The following MAD1L1 variants were observed in gnomAD, a reference collection of about 807,000 sequenced individuals.
MAD1L1 encodes mitotic arrest deficient 1 like 1, also known as mitotic spindle assembly checkpoint protein MAD1.
MAD1L1 carries 95 observed loss-of-function variants against 96.9 expected under a neutral mutation model. The ratio of observed to expected loss-of-function variants is 0.98; its 90% CI spans 0.83 to 1.16. The LOEUF (loss-of-function observed/expected upper bound fraction) is 1.16, where lower values mean the gene tolerates loss of function less well. MAD1L1 is among the 50% of genes most tolerant of loss of function. The pLI, the probability that MAD1L1 is intolerant of heterozygous loss-of-function variation, is 0.00. For missense variants in MAD1L1, 1,007 were observed against 954.4 expected, an observed-to-expected ratio of 1.06 and a Z score of -0.73; for synonymous variants, 473 against 396.6, an observed-to-expected ratio of 1.19 and a Z score of -2.29.
At chr7:1,835,662 C>G (rs1472716841) in intron 18 of MAD1L1, among the ~76,000 whole-genome samples, 1 of 152,026 alleles carries the variant, frequency 6.6e-6, no homozygotes, top group East Asian at 1.9e-4. Context: ...TTGGATCTCA[C>G]ACAAGAAAGA....
intron 15 of MAD1L1, among the ~76,000 whole-genome samples, chr7:1,964,721 G>A (rs1438068167): frequency 6.6e-5 from 10 of 152,212 alleles, no homozygotes; most frequent in Non-Finnish European, 8.8e-5. Flanking sequence ...GCCTGTCTCC[G>A]AGCGTGTGCG....
At chr7:1,970,195 G>A (rs1370601967) in intron 15 of MAD1L1, among the ~76,000 whole-genome samples, 1 of 152,162 alleles carries the variant, frequency 6.6e-6, no homozygotes, top group Non-Finnish European at 1.5e-5. Context: ...GTGTGGCTGG[G>A]TGAATGGAAA....
At chr7:2,164,457 T>G (rs1316309258) in intron 10 of MAD1L1, among the ~76,000 whole-genome samples, 1 of 152,056 alleles carries the variant, frequency 6.6e-6, no homozygotes, top group African/African-American at 2.4e-5. Flanking sequence ...CCTGTGACGG[T>G]TGCTGGTGCC....
chr7:1,883,784 T>A (rs977056847), intron 18 of MAD1L1, among the ~76,000 whole-genome samples: 1 of 152,200 alleles, frequency 6.6e-6, no homozygotes, highest in Admixed American at 6.5e-5. Context: ...AGGCACCATG[T>A]GTCTCTATTA....
At chr7:1,940,248 CGGCAGCCCTG>C (rs1778886257) in intron 16 of MAD1L1, 1 of 152,252 alleles carries the variant, frequency 6.6e-6, no homozygotes, top group African/African-American at 2.4e-5. Flanking sequence ...GAGAGGGAGG[CGGCAGCCCTG>C]CCGCTGGGCC....
intron 17 of MAD1L1, among the ~76,000 whole-genome samples, chr7:1,902,322 T>C (rs1208492193): frequency 2.0e-5 from 3 of 152,178 alleles, no homozygotes; most frequent in Non-Finnish European, 4.4e-5. Flanking sequence ...TTACAGCACT[T>C]ATCTCAAGAG....
chr7:1,885,470 G>GGGGCT (rs1288999510), intron 18 of MAD1L1, among the ~76,000 whole-genome samples: 2 of 132,520 alleles, frequency 1.5e-5, no homozygotes, highest in African/African-American at 6.5e-5. Context: ...AGAAGTCCAG[G>GGGGCT]GGGCTGGGCT....
At chr7:1,960,988 G>C (rs1307415326) in intron 15 of MAD1L1, among the ~76,000 whole-genome samples, 1 of 152,178 alleles carries the variant, frequency 6.6e-6, no homozygotes. Context: ...AAAGTCATCT[G>C]GAAAATACTA....
intron 11 of MAD1L1, among the ~76,000 whole-genome samples, chr7:2,139,594 G>A (rs1248969632): frequency 2.0e-5 from 3 of 151,598 alleles, no homozygotes; most frequent in African/African-American, 7.3e-5. Context: ...AGACTGCTGA[G>A]AACTCCACAG....
chr7:2,157,875 G>A (rs1562738918), intron 10 of MAD1L1, among the ~76,000 whole-genome samples: 1 of 152,134 alleles, frequency 6.6e-6, no homozygotes, highest in Non-Finnish European at 1.5e-5. Flanking sequence ...GGTGCTCTGG[G>A]GATTAGCTAA....
chr7:1,830,464 C>G (rs1275270951), intron 18 of MAD1L1, among the ~76,000 whole-genome samples: 1 of 152,202 alleles, frequency 6.6e-6, no homozygotes, highest in Non-Finnish European at 1.5e-5. Context: ...AGCTCTACTC[C>G]TTCCATGAAT....
intron 12 of MAD1L1, among the ~76,000 whole-genome samples, chr7:2,027,044 G>C (rs1783024531): frequency 6.6e-6 from 1 of 150,390 alleles, no homozygotes. Context: ...GACATAACTA[G>C]AGATCACAAA....
At chr7:2,137,573 G>A (rs1788815579) in intron 11 of MAD1L1, among the ~76,000 whole-genome samples, 1 of 152,110 alleles carries the variant, frequency 6.6e-6, no homozygotes, top group Non-Finnish European at 1.5e-5. Flanking sequence ...AGGGGCCCAG[G>A]CTGTCTCCTC....
At position 1,843,253 on chromosome 7, in the gene MAD1L1, C is replaced by T. The variant is rs114239208; in HGVS notation, c.1999-27025G>A. 7.3e-3 allele frequency among the ~76,000 whole-genome samples: 1,106 copies of T among 152,346 alleles called. 11 individuals carry two copies. Among genetic ancestry groups the T allele is most frequent in the African/African-American group, 0.025 (1,039 of 41,584 alleles). On this transcript the variant is annotated intron_variant, in intron 18 of 18. Transcript: ENST00000265854. ...TGCTCTTTCTGGCGTCTTTCTCTGTCTTCCTGGGCCTTACAGGTTCTTCGG... is the reference window on the plus strand; with the variant it reads ...TGCTCTTTCTGGCGTCTTTCTCTGTTTTCCTGGGCCTTACAGGTTCTTCGG...
intron 15 of MAD1L1, among the ~76,000 whole-genome samples, chr7:1,977,242 GGTCCCAAGCGCTGC>G: frequency 6.6e-6 from 1 of 152,254 alleles, no homozygotes; most frequent in Non-Finnish European, 1.5e-5. Context: ...GCGGGCTGCA[GGTCCCAAGCGCTGC>G]CCCACGGGGA....
chr7:1,945,763 G>C (rs1206838236), intron 16 of MAD1L1, among the ~76,000 whole-genome samples: 1 of 152,242 alleles, frequency 6.6e-6, no homozygotes, highest in Non-Finnish European at 1.5e-5. Context: ...CTGGGCCGCA[G>C]ACCGGGGTTA....
At chr7:1,867,917 G>A (rs945088879) in intron 18 of MAD1L1, among the ~76,000 whole-genome samples, 4 of 152,250 alleles carry the variant, frequency 2.6e-5, no homozygotes, top group African/African-American at 7.2e-5. Context: ...AATTAGAGCA[G>A]TGTCTGTGCT....
chr7:2,072,816 G>A (rs1209271307), intron 11 of MAD1L1, among the ~76,000 whole-genome samples: 1 of 152,212 alleles, frequency 6.6e-6, no homozygotes, highest in Non-Finnish European at 1.5e-5. Flanking sequence ...AGGATGGCTG[G>A]GCAGCCTTGA....
chr7:1,988,184 G>C (rs1341524370), intron 14 of MAD1L1, among the ~76,000 whole-genome samples: 1 of 152,220 alleles, frequency 6.6e-6, no homozygotes, highest in Non-Finnish European at 1.5e-5. Flanking sequence ...TGGGGACAAG[G>C]AGAGGGCCCT....
Sources: gnomAD v4.1 joint callset for allele counts (sites outside exome capture counted in the v4.1 genomes callset) on GRCh38, gnomAD v4.1.1 for gene constraint, MANE v1.5 for transcripts, NCBI Gene and HGNC (gene_info 2026-07-23, HGNC 2026-07-21) for gene names.